Variants in PKHD1 observed in about 807,000 individuals in gnomAD.
PKHD1 encodes PKHD1 ciliary IPT domain containing fibrocystin/polyductin.
In PKHD1, 291 loss-of-function variants were observed where a neutral mutation model predicts 412.0. The observed-to-expected ratio is 0.71, with a 90% CI of 0.64 to 0.78. The LOEUF (loss-of-function observed/expected upper bound fraction) is 0.78, where lower values mean the gene tolerates loss of function less well. Among genes scored for constraint, PKHD1 ranks in the 30% least tolerant of loss-of-function variants. The pLI is 0.00. For missense variants in PKHD1, 4,825 were observed against 4,950.7 expected, an observed-to-expected ratio of 0.97 and a Z score of 0.76; for synonymous variants, 1,777 against 1,821.5, an observed-to-expected ratio of 0.98 and a Z score of 0.62.
intron 53 of PKHD1, among the ~76,000 whole-genome samples, chr6:51,784,374 A>G (rs965340903): frequency 3.3e-5 from 5 of 152,182 alleles, no homozygotes; most frequent in African/African-American, 1.2e-4. Flanking sequence ...CAGCTCTGAG[A>G]CCTTGAAACA....
intron 37 of PKHD1, among the ~76,000 whole-genome samples, chr6:51,924,683 T>C (rs1271463342): frequency 6.6e-6 from 1 of 152,180 alleles, no homozygotes; most frequent in South Asian, 2.1e-4. Flanking sequence ...TCACAAGTTA[T>C]CTAAGAATTA....
chr6:51,761,915 G>C (rs963268915), intron 55 of PKHD1, among the ~76,000 whole-genome samples: 1 of 151,912 alleles, frequency 6.6e-6, no homozygotes, highest in African/African-American at 2.4e-5. Context: ...AAATGGCAGC[G>C]CTCCTTACCT....
At position 52,085,101 on chromosome 6, in the gene PKHD1, A is replaced by G; in HGVS notation, c.-84-84T>C. ...TGCTGTTCTGAAACCTGGGAAATTA[A>G]GGAGATGAGATAAACATGGCCTTAG... On this transcript the variant is annotated intron_variant, in intron 1 of 66. Coordinates refer to ENST00000371117, the MANE Select transcript of PKHD1 (RefSeq NM_138694.4). 4.8e-6 allele frequency: 3 copies of G among 619,824 alleles called. No homozygotes were observed. In the South Asian group the frequency reaches 5.4e-5, roughly 11 times the overall value. The allele number at this position is 619,824 out of a possible 1,614,324, so 38.4% of individuals were successfully genotyped here. A position where few individuals can be genotyped will look rare whatever the true frequency, so the allele number is the denominator to read the frequency against.
intron 35 of PKHD1, among the ~76,000 whole-genome samples, chr6:51,965,868 C>T (rs1021941661): frequency 6.6e-5 from 10 of 152,086 alleles, no homozygotes; most frequent in African/African-American, 2.2e-4. Context: ...TTTTCAAAGT[C>T]TGCAGACAGG....
rs1191803529 is a variant in PKHD1 at position 51,748,522 on chromosome 6, C to G, written c.9094G>C (p.Ala3032Pro). The G allele has an allele frequency of 1.2e-6, 2 of 1,613,818 alleles. No homozygotes were observed. Among genetic ancestry groups the G allele is most frequent in the Non-Finnish European group, 1.7e-6 (2 of 1,179,870 alleles). Residue 3032 changes from alanine to proline, a missense_variant, in exon 58 of 67, where the codon GCC (alanine) becomes CCC (proline). Ala to Pro is a conservative substitution (Grantham distance 27). Transcript: ENST00000371117. ...QSCGGGIHAA[A>P]SHGVLLNDNI... Reference sequence around the variant, plus strand: ...TCATTTAAAAGTACTCCATGACTGGCAGCTGCATGAATGCCCCCGCCACAG... The same window carrying G: ...TCATTTAAAAGTACTCCATGACTGGGAGCTGCATGAATGCCCCCGCCACAG...
rs1771412725 is a variant in PKHD1 at position 51,654,079 on chromosome 6, A to G, written c.11175-4859T>C. Among the ~76,000 whole-genome samples the G allele has an allele frequency of 2.0e-5, 3 of 152,186 alleles. No individual in the cohort carries two copies. The South Asian group carries it at 6.2e-4, about 31-fold the overall frequency. On this transcript the variant is annotated intron_variant, in intron 61 of 66. Coordinates refer to ENST00000371117, the MANE Select transcript of PKHD1 (RefSeq NM_138694.4). ...GGTTGCACAGGAGTTTTAGAATAGT[A>G]GAAAAGTAAAACAGGCTACCTTTCA... is the stretch of plus-strand genomic sequence containing the variant.
intron 61 of PKHD1, among the ~76,000 whole-genome samples, chr6:51,657,565 T>C (rs1772089831): frequency 1.3e-5 from 2 of 152,258 alleles, no homozygotes; most frequent in African/African-American, 2.4e-5. Context: ...TTATACACTT[T>C]GAACTGTTTC....
At chr6:51,738,906 T>A (rs542309875) in intron 60 of PKHD1, among the ~76,000 whole-genome samples, 95 of 152,080 alleles carry the variant, frequency 6.2e-4, no homozygotes, top group African/African-American at 2.2e-3. Flanking sequence ...AAATAGCAAT[T>A]CGCCTGCACA....
intron 53 of PKHD1, among the ~76,000 whole-genome samples, chr6:51,790,542 A>G (rs1793579382): frequency 6.6e-6 from 1 of 152,150 alleles, no homozygotes; most frequent in South Asian, 2.1e-4. Flanking sequence ...CAGAGGAGTT[A>G]ATGGCATGGA....
intron 29 of PKHD1, among the ~76,000 whole-genome samples, chr6:52,029,840 T>C (rs73739124): frequency 0.014 from 2,147 of 152,290 alleles, 50 homozygotes; most frequent in African/African-American, 0.048. Context: ...CTTAACTCAG[T>C]GGACGGCAGT....
Position 51,649,024 on chromosome 6 carries a change from T to C in PKHD1, c.11310+61A>G, listed in dbSNP as rs142726596. Reference sequence around the variant, plus strand: ...ATCAATGATGACACACTCTAAAAGATAGGCTGAATGCTACATGCTACTTAG... The same window carrying C: ...ATCAATGATGACACACTCTAAAAGACAGGCTGAATGCTACATGCTACTTAG... On this transcript the variant is annotated intron_variant, in intron 62 of 66. Coordinates refer to ENST00000371117, the MANE Select transcript of PKHD1 (RefSeq NM_138694.4). 9.8e-4 allele frequency: 1,480 copies of C among 1,512,368 alleles called. 14 individuals carry two copies. The East Asian group carries it at 0.013, about 13-fold the overall frequency. The allele number at this position is 1,512,368 out of a possible 1,614,324, so 93.7% of individuals were successfully genotyped here.
chr6:51,804,328 T>C (rs1344004862), intron 52 of PKHD1, among the ~76,000 whole-genome samples: 2 of 115,640 alleles, frequency 1.7e-5, no homozygotes, highest in African/African-American at 7.1e-5. Context: ...AACTCACTTA[T>C]ACATGACTAA....
intron 59 of PKHD1, 37 bp from the exon 60 acceptor site, chr6:51,744,579 T>C: frequency 6.4e-7 from 1 of 1,554,238 alleles, no homozygotes; most frequent in South Asian, 1.1e-5. Context: ...TTTCATTTCA[T>C]GATAAGCAGC....
chr6:52,027,935 G>C (rs1210431840), intron 30 of PKHD1, 39 bp from the exon 31 acceptor site: 1 of 1,494,946 alleles, frequency 6.7e-7, no homozygotes, highest in African/African-American at 1.4e-5. Flanking sequence ...ATAACTGACA[G>C]AGAGAGATAA....
chr6:51,927,195 C>T (rs529687769), intron 37 of PKHD1, among the ~76,000 whole-genome samples: 18 of 152,210 alleles, frequency 1.2e-4, no homozygotes, highest in African/African-American at 3.6e-4. Flanking sequence ...AAATAACAAC[C>T]GCAAAATGAC....
intron 60 of PKHD1, among the ~76,000 whole-genome samples, chr6:51,665,346 A>T (rs1165609589): frequency 1.3e-5 from 2 of 152,162 alleles, no homozygotes; most frequent in Non-Finnish European, 2.9e-5. Flanking sequence ...AGCTATATAC[A>T]AGTAGCTTTA....
At chr6:51,928,810 G>T (rs1786109568) in intron 37 of PKHD1, among the ~76,000 whole-genome samples, 1 of 152,068 alleles carries the variant, frequency 6.6e-6, no homozygotes. Flanking sequence ...GGGACTGAGG[G>T]GTGAGTCCTG....
chr6:51,671,509 T>C (rs1195929033), intron 60 of PKHD1, among the ~76,000 whole-genome samples: 1 of 152,146 alleles, frequency 6.6e-6, no homozygotes. Flanking sequence ...TCCCGTAGCT[T>C]GGAGTAATTT....
intron 35 of PKHD1, among the ~76,000 whole-genome samples, chr6:51,996,169 C>CTTT (rs11392839): frequency 1.4e-4 from 14 of 98,938 alleles, no homozygotes; most frequent in East Asian, 2.9e-4. Flanking sequence ...CGACGCCTGG[C>CTTT]TTTTTTTTTT....
Sources: gnomAD v4.1 joint callset for allele counts (sites outside exome capture counted in the v4.1 genomes callset) on GRCh38, gnomAD v4.1.1 for gene constraint, MANE v1.5 for transcripts, NCBI Gene and HGNC (gene_info 2026-07-23, HGNC 2026-07-21) for gene names.